EPAS1: variants seen among roughly 807,000 people sequenced by gnomAD.
EPAS1 encodes endothelial PAS domain-containing protein 1.
In EPAS1, 23 loss-of-function variants were observed where a neutral mutation model predicts 87.9. That is an observed-to-expected ratio of 0.26 (90% CI 0.19 to 0.37). The LOEUF (loss-of-function observed/expected upper bound fraction) is 0.37, where lower values mean the gene tolerates loss of function less well. EPAS1 is among the 10% of genes least tolerant of loss of function. The pLI, the probability that EPAS1 is intolerant of heterozygous loss-of-function variation, is 1.00. For synonymous variants in EPAS1, 508 were observed against 444.3 expected, an observed-to-expected ratio of 1.14 and a Z score of -1.80; for missense variants, 1,138 against 1,120.7, an observed-to-expected ratio of 1.02 and a Z score of -0.22.
intron 1 of EPAS1, among the ~76,000 whole-genome samples, chr2:46,311,300 G>A (rs1047507379): frequency 6.6e-5 from 10 of 152,118 alleles, no homozygotes; most frequent in Admixed American, 3.9e-4. Flanking sequence ...GTCATTCTCT[G>A]CTCATTGCCT....
chr2:46,383,601 T>C (rs1684948686), intron 15 of EPAS1, among the ~76,000 whole-genome samples: 1 of 152,228 alleles, frequency 6.6e-6, no homozygotes, highest in African/African-American at 2.4e-5. Flanking sequence ...CTGGTATATA[T>C]TTATGTGCAG....
chr2:46,302,620 C>T (rs1308919699), intron 1 of EPAS1, among the ~76,000 whole-genome samples: 1 of 151,022 alleles, frequency 6.6e-6, no homozygotes, highest in Non-Finnish European at 1.5e-5. Flanking sequence ...AGATATAATC[C>T]ATAAGATGAC....
rs1684993621 is a variant in EPAS1 at position 46,385,361 on chromosome 2, C to CTGAGT, written c.*703_*707dup. On this transcript the variant is annotated 3_prime_UTR_variant, in exon 16 of 16. Transcript: ENST00000263734. Reference sequence around the variant, plus strand: ...TTTTTATTATTATTCAAAAACATAACTGAGTTTTTTAAAAGAGGAGAAAAT... The same window carrying CTGAGT: ...TTTTTATTATTATTCAAAAACATAACTGAGTTGAGTTTTTTAAAAGAGGAGAAAAT... 6.6e-6 allele frequency: 1 copy of CTGAGT among 152,498 alleles called. No homozygotes were observed. Among genetic ancestry groups the CTGAGT allele is most frequent in the South Asian group, 2.1e-4 (1 of 4,824 alleles). The allele number at this position is 152,498 out of a possible 1,614,324, so 9.4% of individuals were successfully genotyped here.
Position 46,297,619 on chromosome 2 carries a change from T to C in EPAS1, c.-293T>C. ...CTCCTTTTCCAGGGAAAAAGGAACT[T>C]GGGTTCCCTTCTCTCCGTCCTCTTT... On this transcript the variant is annotated 5_prime_UTR_variant, in exon 1 of 16. Coordinates refer to ENST00000263734, the MANE Select transcript of EPAS1 (RefSeq NM_001430.5). The C allele has an allele frequency of 2.2e-6, 1 of 464,834 alleles. No homozygotes were observed. The highest frequency in any genetic ancestry group is 4.1e-5 in the East Asian group (1 of 24,114). The allele number at this position is 464,834 out of a possible 1,614,324, so 28.8% of individuals were successfully genotyped here.
intron 1 of EPAS1, among the ~76,000 whole-genome samples, chr2:46,328,755 G>A (rs1336097327): frequency 1.3e-5 from 2 of 152,174 alleles, no homozygotes; most frequent in Admixed American, 6.5e-5. Context: ...GGTCTTCAAG[G>A]TTCAGAAAGG....
At chr2:46,373,681 G>A (rs1428387611) in intron 7 of EPAS1, among the ~76,000 whole-genome samples, 2 of 152,338 alleles carry the variant, frequency 1.3e-5, no homozygotes, top group East Asian at 1.9e-4. Flanking sequence ...TGGGGGCGGT[G>A]ATGGAAAAGT....
chr2:46,344,306 C>A (rs1271313867), intron 1 of EPAS1, among the ~76,000 whole-genome samples: 2 of 152,228 alleles, frequency 1.3e-5, no homozygotes, highest in Admixed American at 1.3e-4. Context: ...GGGCCAATGG[C>A]AGAGGGAAGC....
At chr2:46,301,349 C>T (rs779588022) in intron 1 of EPAS1, among the ~76,000 whole-genome samples, 2 of 151,946 alleles carry the variant, frequency 1.3e-5, no homozygotes, top group African/African-American at 2.4e-5. Context: ...GCTGAGGCTG[C>T]GGATCACCTG....
At chr2:46,337,187 C>G (rs1347038423) in intron 1 of EPAS1, among the ~76,000 whole-genome samples, 2 of 152,142 alleles carry the variant, frequency 1.3e-5, no homozygotes, top group Admixed American at 6.5e-5. Flanking sequence ...GTGTGGGGTT[C>G]TTTCCCTGAA....
In EPAS1 at chr2:46,381,392, C is replaced by T. The variant is rs1684887813; in HGVS notation, c.2046-204C>T. 24 of 736,698 alleles carry T rather than the reference C, an allele frequency of 3.3e-5. No individual in the cohort carries two copies. In the Admixed American group the frequency reaches 5.3e-4, roughly 16 times the overall value. The allele number at this position is 736,698 out of a possible 1,614,324, so 45.6% of individuals were successfully genotyped here. A position where few individuals can be genotyped will look rare whatever the true frequency, so the allele number is the denominator to read the frequency against. ...CATCCCCCAGACCAGGAGGCTTGAG[C>T]CCTTCAGCATCTTATAGCTGAGGAA... On this transcript the variant is annotated intron_variant, in intron 12 of 15. Transcript: ENST00000263734.
rs2103669255 is a variant in EPAS1, at chr2:46,378,760, G to A, written c.1547G>A (p.Ser516Asn). The A allele has an allele frequency of 6.2e-7, 1 of 1,613,726 alleles. No individual in the cohort carries two copies. Among genetic ancestry groups the A allele is most frequent in the East Asian group, 2.2e-5 (1 of 44,884 alleles). The part of the protein sequence containing the change: ...AMDTEAKDQC[S>N]TQTDFNELDL... ...GACACAGAGGCCAAGGACCAATGCAGTACCCAGGTAGATGGCTGTGGAGAT... is the reference window on the plus strand; with the variant it reads ...GACACAGAGGCCAAGGACCAATGCAATACCCAGGTAGATGGCTGTGGAGAT... Residue 516 changes from serine (S) to asparagine (N), a missense_variant, in exon 11 of 16, where the codon AGT becomes AAT. Physicochemically the swap from Ser to Asn is conservative, Grantham distance 46 (BLOSUM62 1). Transcript: ENST00000263734.
rs985031095 is a variant in EPAS1, at chr2:46,386,006, G to C, written c.*1346G>C. 3 of 152,698 alleles carry C rather than the reference G, an allele frequency of 2.0e-5. No homozygotes were observed. Among genetic ancestry groups the C allele is most frequent in the Non-Finnish European group, 4.4e-5 (3 of 68,102 alleles). The allele number at this position is 152,698 out of a possible 1,614,324, so 9.5% of individuals were successfully genotyped here. On this transcript the variant is annotated 3_prime_UTR_variant, in exon 16 of 16. Coordinates refer to ENST00000263734, the MANE Select transcript of EPAS1 (RefSeq NM_001430.5). ...GAGGAGGCTGCACAGCGGGAGAGCA[G>C]CTGGTCCAGACCAGCCCTGCAGCCC...
chr2:46,375,976 A>C lies in EPAS1; in HGVS notation c.1034+139A>C. 1 of 1,152,070 alleles carries C rather than the reference A, an allele frequency of 8.7e-7. No homozygotes were observed. Among genetic ancestry groups the C allele is most frequent in the Admixed American group, 1.8e-5 (1 of 55,794 alleles). 71.4% of individuals were successfully genotyped at this position (1,152,070 alleles called of 1,614,324 possible). ...CACCTCAGGGAGGTCTTGCAGGGCT[A>C]ACCCTAGTGACTGAGAGGACTTCCT... On this transcript the variant is annotated intron_variant, in intron 8 of 15. Transcript: ENST00000263734. This position sits in a 1 kb window ranked among gnomAD's most constrained non-coding sequence, Gnocchi z 4.1.
At position 46,371,495 on chromosome 2, in the gene EPAS1, A is replaced by G. The variant is rs1381355195; in HGVS notation, c.886+1562A>G. Among the ~76,000 whole-genome samples, 1 of 152,080 alleles carries G rather than the reference A, an allele frequency of 6.6e-6. No individual in the cohort carries two copies. The highest frequency in any genetic ancestry group is 1.5e-5 in the Non-Finnish European group (1 of 68,018). On this transcript the variant is annotated intron_variant, in intron 7 of 15. Transcript: ENST00000263734. The surrounding 1 kb of genome is among the most constrained non-coding windows in gnomAD (Gnocchi z 4.3). ...CACGCGCACACACAGACACACACACACAAACAACCTAGATTCAGCCCCACT... is the reference window on the plus strand; with the variant it reads ...CACGCGCACACACAGACACACACACGCAAACAACCTAGATTCAGCCCCACT...
rs1682901231 is a variant in EPAS1 at position 46,297,422 on chromosome 2, C to T, written c.-490C>T. 2 of 153,710 alleles carry T rather than the reference C, an allele frequency of 1.3e-5. No homozygotes were observed. Among genetic ancestry groups the T allele is most frequent in the East Asian group, 3.9e-4 (2 of 5,154 alleles). The allele number at this position is 153,710 out of a possible 1,614,324, so 9.5% of individuals were successfully genotyped here. On this transcript the variant is annotated 5_prime_UTR_variant, in exon 1 of 16. Coordinates refer to ENST00000263734, the MANE Select transcript of EPAS1 (RefSeq NM_001430.5). ...CGGGAGCTTTACACTCGCGAGCGGA[C>T]CGCCACACGGGTCCGGTGCCCGCTG...
intron 6 of EPAS1, among the ~76,000 whole-genome samples, chr2:46,365,426 T>G (rs1558604072): frequency 6.6e-6 from 1 of 152,226 alleles, no homozygotes; most frequent in African/African-American, 2.4e-5. Flanking sequence ...GATAAATTTA[T>G]GGTGAATTGT....
chr2:46,381,952 C>A (rs1389152958), intron 13 of EPAS1, 23 bp from the exon 14 acceptor site: 1 of 1,367,014 alleles, frequency 7.3e-7, no homozygotes, highest in African/African-American at 1.5e-5. Context: ...TTTCCCCTTT[C>A]CATCTGCCCT....
At chr2:46,349,416 T>C (rs1255838921) in intron 2 of EPAS1, among the ~76,000 whole-genome samples, 1 of 152,214 alleles carries the variant, frequency 6.6e-6, no homozygotes, top group Non-Finnish European at 1.5e-5. Flanking sequence ...CCCTGTGTGC[T>C]AAACACACCC....
At chr2:46,378,874 G>T in intron 11 of EPAS1, 107 bp downstream of exon 11, 1 of 1,136,562 alleles carries the variant, frequency 8.8e-7, no homozygotes. Context: ...AAGAGCAGTG[G>T]AGACGTTTGG....
Sources: gnomAD v4.1 joint callset for allele counts (sites outside exome capture counted in the v4.1 genomes callset) on GRCh38, gnomAD v4.1.1 for gene constraint, Gnocchi (gnomAD v3.1) non-coding constraint, MANE v1.5 for transcripts, NCBI Gene and HGNC (gene_info 2026-07-23, HGNC 2026-07-21) for gene names.